Variants in CECR2 observed in about 807,000 individuals in gnomAD.
CECR2 encodes the protein CECR2 histone acetyl-lysine reader.
CECR2 carries 30 observed loss-of-function variants against 154.5 expected under a neutral mutation model. The ratio of observed to expected loss-of-function variants is 0.19; its 90% CI spans 0.15 to 0.26. The LOEUF is 0.26. Ranked by LOEUF, CECR2 falls within the 10% of genes least tolerant of loss-of-function variation. The pLI is 1.00. For missense variants in CECR2, 1,743 were observed against 1,829.3 expected (o/e 0.95, Z 0.86); for synonymous variants, 725 against 683.7 (o/e 1.06, Z -0.94).
chr22:17,547,510 G>A (rs1437391359), intron 16 of CECR2, among the ~76,000 whole-genome samples: 1 of 152,176 alleles, frequency 6.6e-6, no homozygotes, highest in African/African-American at 2.4e-5. Flanking sequence ...GATTACAGGC[G>A]TGAGCCACCG....
At chr22:17,527,769 C>CA (rs3079565) in intron 9 of CECR2, among the ~76,000 whole-genome samples, 1,425 of 89,670 alleles carry the variant, frequency 0.016, 16 homozygotes, top group African/African-American at 0.032. Flanking sequence ...GATTCTGTCT[C>CA]AAAAAAAAAA....
intron 1 of CECR2, among the ~76,000 whole-genome samples, chr22:17,418,257 C>G (rs1467500126): frequency 6.6e-6 from 1 of 152,224 alleles, no homozygotes. Flanking sequence ...TAAGTGCAAT[C>G]ATAACATATG....
chr22:17,382,078 G>A (rs1182895374), intron 1 of CECR2, among the ~76,000 whole-genome samples: 2 of 151,172 alleles, frequency 1.3e-5, no homozygotes, highest in Non-Finnish European at 2.9e-5. Flanking sequence ...TTTTAGTAGG[G>A]ACGAGGTTTC....
At position 17,547,057 on chromosome 22, in the gene CECR2, AAAG is replaced by A. The variant is rs1265302725; in HGVS notation, c.2861-1089_2861-1087del. On this transcript the variant is annotated intron_variant, in intron 16 of 18. Coordinates refer to ENST00000262608, the MANE Select transcript of CECR2 (RefSeq NM_001290047.2). Reference sequence around the variant, plus strand: ...CTGCCTCAAAAAAAAAAAAAAAAAAAAAGATTATTTTATATAGATATATACACA... The same window carrying A: ...CTGCCTCAAAAAAAAAAAAAAAAAAAATTATTTTATATAGATATATACACA... 6.6e-5 allele frequency among the ~76,000 whole-genome samples: 10 copies of A among 151,142 alleles called. 1 individual carries two copies. The highest frequency in any genetic ancestry group is 6.6e-4 in the Admixed American group (10 of 15,116).
chr22:17,543,716 C>T (rs1170486140), intron 16 of CECR2, among the ~76,000 whole-genome samples: 2 of 152,036 alleles, frequency 1.3e-5, no homozygotes, highest in East Asian at 1.9e-4. Context: ...CATGCCACCA[C>T]ACCCGGCTAA....
intron 1 of CECR2, among the ~76,000 whole-genome samples, chr22:17,407,448 C>T (rs1234350935): frequency 3.9e-5 from 6 of 152,056 alleles, no homozygotes; most frequent in Non-Finnish European, 7.4e-5. Flanking sequence ...ACACAAAATT[C>T]GCCAGGCACG....
At chr22:17,386,528 C>T (rs529286910) in intron 1 of CECR2, among the ~76,000 whole-genome samples, 2 of 152,198 alleles carry the variant, frequency 1.3e-5, no homozygotes, top group African/African-American at 4.8e-5. Flanking sequence ...GTAATCAATC[C>T]CCTTCTTTGT....
In CECR2 at chr22:17,538,672, T is replaced by A; in HGVS notation, c.1309T>A (p.Trp437Arg). 1 of 1,614,038 alleles carries A rather than the reference T, an allele frequency of 6.2e-7. No homozygotes were observed. The highest frequency in any genetic ancestry group is 8.5e-7 in the Non-Finnish European group (1 of 1,179,890). ...LDVVKAHKDS[W>R]PFLEPVDESY... ...CGTGGTAAAGGCTCACAAGGATTCC[T>A]GGCCCTTCTTGGAACCTGTGGATGA... The change falls in exon 12 of 19, where the codon TGG (tryptophan) becomes AGG (arginine). Residue 437 changes from tryptophan to arginine, a missense_variant. Physicochemically the swap from Trp to Arg is moderately radical, Grantham distance 101. Around this residue, in one of 4 missense-constraint regions of CECR2, gnomAD observed 103 missense variants for 166.8 expected, o/e 0.62. Coordinates refer to ENST00000262608, the MANE Select transcript of CECR2 (RefSeq NM_001290047.2).
At chr22:17,385,776 C>G (rs535617753) in intron 1 of CECR2, among the ~76,000 whole-genome samples, 1 of 152,046 alleles carries the variant, frequency 6.6e-6, no homozygotes, top group African/African-American at 2.4e-5. Context: ...AATATCTGCA[C>G]GTTCAGTAAA....
At chr22:17,510,523 G>A (rs1016608518) in intron 7 of CECR2, among the ~76,000 whole-genome samples, 1 of 151,994 alleles carries the variant, frequency 6.6e-6, no homozygotes, top group Non-Finnish European at 1.5e-5. Flanking sequence ...TAGGTTTTTC[G>A]GGACAAGTAC....
intron 2 of CECR2, among the ~76,000 whole-genome samples, chr22:17,488,363 G>A (rs936333393): frequency 1.1e-4 from 16 of 152,228 alleles, no homozygotes; most frequent in Admixed American, 1.0e-3. Flanking sequence ...CCAGTGTTTT[G>A]TAACAAATGA....
At chr22:17,534,201 C>T (rs1330536520) in intron 9 of CECR2, among the ~76,000 whole-genome samples, 1 of 152,060 alleles carries the variant, frequency 6.6e-6, no homozygotes, top group African/African-American at 2.4e-5. Context: ...TGGTGTGTGC[C>T]TGTAGTCCCA....
intron 3 of CECR2, among the ~76,000 whole-genome samples, chr22:17,498,391 T>TA (rs11376543): frequency 0.66 from 96,440 of 145,762 alleles, 31,957 homozygotes; most frequent in East Asian, 0.99. Flanking sequence ...ACTCCGTCTT[T>TA]AAAAAAAAAA....
At chr22:17,504,060 A>AAATAAATAAATG (rs2055788894) in intron 6 of CECR2, among the ~76,000 whole-genome samples, 1 of 150,186 alleles carries the variant, frequency 6.7e-6, no homozygotes, top group Admixed American at 6.7e-5. Flanking sequence ...ATAAATAAAT[A>AAATAAATAAATG]AATAAATAAA....
chr22:17,412,264 T>G (rs1251605400), intron 1 of CECR2, among the ~76,000 whole-genome samples: 3 of 152,152 alleles, frequency 2.0e-5, no homozygotes, highest in Non-Finnish European at 4.4e-5. Context: ...ATTTGTTGAG[T>G]CTGGTTCGCA....
rs2056749011 is a variant in CECR2 at position 17,554,217 on chromosome 22, C to T, written c.*1377C>T. The T allele has an allele frequency of 6.6e-6, 1 of 152,044 alleles. No homozygotes were observed. Among genetic ancestry groups the T allele is most frequent in the Non-Finnish European group, 1.5e-5 (1 of 68,014 alleles). 9.4% of individuals were successfully genotyped at this position (152,044 alleles called of 1,614,324 possible). ...GCTGAAAGGTCACCAAAGTTAGGACCCATGTTTTAAACTTTTGAATATTCC... is the reference window on the plus strand; with the variant it reads ...GCTGAAAGGTCACCAAAGTTAGGACTCATGTTTTAAACTTTTGAATATTCC... On this transcript the variant is annotated 3_prime_UTR_variant, in exon 19 of 19. Coordinates refer to ENST00000262608, the MANE Select transcript of CECR2 (RefSeq NM_001290047.2).
At chr22:17,551,601 AGGAGTTCGAGACCAGCCTC>A (rs2056709273) in intron 17 of CECR2, among the ~76,000 whole-genome samples, 3 of 152,116 alleles carry the variant, frequency 2.0e-5, no homozygotes, top group Admixed American at 6.5e-5. Flanking sequence ...GCTTAAGCTC[AGGAGTTCGAGACCAGCCTC>A]GGCAACATAG....
chr22:17,468,054 A>T (rs1037425892), intron 1 of CECR2, among the ~76,000 whole-genome samples: 4 of 152,168 alleles, frequency 2.6e-5, no homozygotes, highest in Non-Finnish European at 4.4e-5. Context: ...AGCCCCTTAA[A>T]CGGGGCTTGT....
chr22:17,419,111 C>G (rs188251012), intron 1 of CECR2: 1 of 154,730 alleles, frequency 6.5e-6, no homozygotes, highest in Non-Finnish European at 1.4e-5. Context: ...CCAGCTCCAT[C>G]ACCAGCAGCG....
Sources: gnomAD v4.1 joint callset for allele counts (sites outside exome capture counted in the v4.1 genomes callset) on GRCh38, gnomAD v4.1.1 for gene constraint, gnomAD v4.1.1 regional missense constraint, MANE v1.5 for transcripts, NCBI Gene and HGNC (gene_info 2026-07-23, HGNC 2026-07-21) for gene names.